Variants in EOGT observed in about 807,000 individuals in gnomAD.
EOGT encodes the protein EGF domain specific O-linked N-acetylglucosamine transferase, also known as EGF domain-specific O-linked N-acetylglucosamine transferase.
In EOGT, 55 loss-of-function variants were observed where a neutral mutation model predicts 70.5. The observed-to-expected ratio is 0.78, with a 90% CI of 0.63 to 0.98. The LOEUF (loss-of-function observed/expected upper bound fraction) is 0.98. EOGT is among the 50% of genes least tolerant of loss of function. The pLI is 0.00. For missense variants in EOGT, 703 were observed against 641.9 expected (o/e 1.10, Z -1.03); for synonymous variants, 246 against 217.1 (o/e 1.13, Z -1.17).
intron 9 of EOGT, among the ~76,000 whole-genome samples, chr3:68,998,963 T>A (rs1324942674): frequency 2.0e-5 from 3 of 152,052 alleles, no homozygotes; most frequent in Non-Finnish European, 4.4e-5. Flanking sequence ...CCCTATTTAA[T>A]CATTACATGT....
intron 14 of EOGT, among the ~76,000 whole-genome samples, chr3:68,984,211 T>G (rs1347372014): frequency 6.6e-6 from 1 of 151,150 alleles, no homozygotes; most frequent in African/African-American, 2.4e-5. Flanking sequence ...CTCCCCTCTC[T>G]CTCTCTCTCT....
At chr3:68,987,834 G>T in intron 13 of EOGT, 1 of 420,352 alleles carries the variant, frequency 2.4e-6, no homozygotes, top group Admixed American at 4.1e-5. Context: ...GAGGACAGGA[G>T]GAAGCACATT....
intron 17 of EOGT, 133 bp from the exon 18 acceptor site, chr3:68,977,897 A>G (rs537930744): frequency 2.4e-6 from 2 of 833,498 alleles, no homozygotes; most frequent in Admixed American, 3.1e-5. Flanking sequence ...ACTTTTCCTG[A>G]TAAGGGCCAG....
Position 68,988,486 on chromosome 3 carries a change from ATGG to A in EOGT, c.996+17_996+19del. The A allele has an allele frequency of 3.3e-6, 5 of 1,513,986 alleles. No homozygotes were observed. The highest frequency in any genetic ancestry group is 2.7e-6 in the Non-Finnish European group (3 of 1,127,504). 93.8% of individuals were successfully genotyped at this position (1,513,986 alleles called of 1,614,324 possible). ...GTTATGTCTGTAAATATGAATGCTA[ATGG>A]TAGACAATGTGCTTACCAGAGGAGT... On this transcript the variant is annotated intron_variant, in intron 12 of 17. Coordinates refer to ENST00000383701, the MANE Select transcript of EOGT (RefSeq NM_001278689.2).
intron 15 of EOGT, among the ~76,000 whole-genome samples, 170 bp from the exon 16 acceptor site, chr3:68,979,957 AT>A (rs2090590243): frequency 6.6e-6 from 1 of 152,244 alleles, no homozygotes; most frequent in Non-Finnish European, 1.5e-5. Flanking sequence ...CTAGTAATTA[AT>A]AAGTTTCTTA....
chr3:68,989,477 G>A (rs1228333148), intron 10 of EOGT, among the ~76,000 whole-genome samples: 1 of 152,106 alleles, frequency 6.6e-6, no homozygotes, highest in Non-Finnish European at 1.5e-5. Flanking sequence ...GCTGGGTGCG[G>A]TGGCTCACAG....
chr3:68,990,021 AG>A (rs1189901751), intron 10 of EOGT, among the ~76,000 whole-genome samples: 3 of 152,150 alleles, frequency 2.0e-5, no homozygotes, highest in Non-Finnish European at 4.4e-5. Flanking sequence ...GTGAATAAAA[AG>A]TGGTAATTTC....
At chr3:68,994,797 A>G in intron 10 of EOGT, among the ~76,000 whole-genome samples, 1 of 152,186 alleles carries the variant, frequency 6.6e-6, no homozygotes, top group Non-Finnish European at 1.5e-5. Context: ...CTCAAAAACA[A>G]ACAGAAAAAA....
At chr3:69,005,077 AAT>A in intron 7 of EOGT, 61 bp downstream of exon 7, 1 of 994,482 alleles carries the variant, frequency 1.0e-6, no homozygotes, top group African/African-American at 1.7e-5. Flanking sequence ...AAAAAAAAAA[AAT>A]CCCTGGATCT....
chr3:69,000,881 T>C (rs1421229471), intron 9 of EOGT, among the ~76,000 whole-genome samples: 8 of 152,124 alleles, frequency 5.3e-5, no homozygotes, highest in Admixed American at 4.6e-4. Flanking sequence ...ACTTTAGTCA[T>C]GGAAATGATA....
chr3:68,984,391 A>C (rs571718992), intron 14 of EOGT, among the ~76,000 whole-genome samples: 1 of 152,298 alleles, frequency 6.6e-6, no homozygotes, highest in South Asian at 2.1e-4. Context: ...TGCCCACATA[A>C]AAGGAATCAT....
intron 16 of EOGT, 109 bp from the exon 17 acceptor site, chr3:68,978,544 T>TGTAAACAAGACTGAGGAAGACA (rs1368579592): frequency 1.5e-5 from 10 of 666,440 alleles, no homozygotes; most frequent in Non-Finnish European, 2.6e-5. Flanking sequence ...TGCAAAAGGT[T>TGTAAACAAGACTGAGGAAGACA]GTAAACAAGA....
In EOGT at chr3:68,977,024, G is replaced by A. The variant is rs1421014031; in HGVS notation, c.*594C>T. ...AAAATACAAAAATCAACTGGGCGTG[G>A]TGGTGCACGCCTGTAATCCCAGCTA... On this transcript the variant is annotated 3_prime_UTR_variant, in exon 18 of 18. Coordinates refer to ENST00000383701, the MANE Select transcript of EOGT (RefSeq NM_001278689.2). 1 of 152,558 alleles carries A rather than the reference G, an allele frequency of 6.6e-6. No individual in the cohort carries two copies. Among genetic ancestry groups the A allele is most frequent in the African/African-American group, 2.4e-5 (1 of 41,446 alleles). 9.5% of individuals were successfully genotyped at this position (152,558 alleles called of 1,614,324 possible). A position where few individuals can be genotyped will look rare whatever the true frequency, so the allele number is the denominator to read the frequency against.
intron 8 of EOGT, among the ~76,000 whole-genome samples, chr3:69,003,759 T>A (rs1373229118): frequency 6.6e-6 from 1 of 152,176 alleles, no homozygotes; most frequent in Non-Finnish European, 1.5e-5. Context: ...GGAGGGAGAC[T>A]GAGGTGCTGA....
At chr3:68,988,607 G>A (rs1311133513) in intron 11 of EOGT, 30 bp from the exon 12 acceptor site, 2 of 1,403,082 alleles carry the variant, frequency 1.4e-6, no homozygotes, top group East Asian at 2.5e-5. Flanking sequence ...AAAAGAAGAT[G>A]TAATTTGCAC....
At chr3:69,010,285 A>C (rs566382636) in intron 3 of EOGT, among the ~76,000 whole-genome samples, 3 of 152,364 alleles carry the variant, frequency 2.0e-5, no homozygotes, top group African/African-American at 7.2e-5. Flanking sequence ...CTACACAACA[A>C]TGCCTCTGTC....
In EOGT at chr3:68,975,345, T is replaced by C. The variant is rs1559578571; in HGVS notation, c.*2273A>G. The C allele has an allele frequency of 6.5e-6, 1 of 152,688 alleles. No individual in the cohort carries two copies. The highest frequency in any genetic ancestry group is 1.5e-5 in the Non-Finnish European group (1 of 68,044). 9.5% of individuals were successfully genotyped at this position (152,688 alleles called of 1,614,324 possible). ...TACATTTTACAATTTGAAGACCTTC[T>C]GTTCCCACAAAAAGTCTCATAAAAT... On this transcript the variant is annotated 3_prime_UTR_variant, in exon 18 of 18. Transcript: ENST00000383701.
In EOGT at chr3:68,978,524, AAT is replaced by A. The variant is rs749282305; in HGVS notation, c.1335-91_1335-90del. The A allele has an allele frequency of 1.0e-4, 80 of 790,396 alleles. 2 individuals carry two copies. Among genetic ancestry groups the A allele is most frequent in the East Asian group, 6.9e-4 (26 of 37,528 alleles). 49.0% of individuals were successfully genotyped at this position (790,396 alleles called of 1,614,324 possible). ...CTGCGAAAATAAAATGCAGCTCCCA[AAT>A]ATGTCCTTGCAAAAGGTTGTAAACA... On this transcript the variant is annotated intron_variant, in intron 16 of 17. Transcript: ENST00000383701.
intron 15 of EOGT, among the ~76,000 whole-genome samples, chr3:68,980,865 C>T (rs1377407152): frequency 1.3e-5 from 2 of 152,112 alleles, no homozygotes; most frequent in African/African-American, 2.4e-5. Flanking sequence ...TAGTATTTCC[C>T]GCAGACTGGC....
Sources: gnomAD v4.1 joint callset for allele counts (sites outside exome capture counted in the v4.1 genomes callset) on GRCh38, gnomAD v4.1.1 for gene constraint, MANE v1.5 for transcripts, NCBI Gene and HGNC (gene_info 2026-07-23, HGNC 2026-07-21) for gene names.